VPS45: variants seen among roughly 807,000 people sequenced by gnomAD.
VPS45 encodes the protein vacuolar protein sorting-associated protein 45.
In VPS45, 35 loss-of-function variants were observed where a neutral mutation model predicts 75.9. The observed-to-expected ratio is 0.46, with a 90% CI of 0.35 to 0.61. VPS45 has a LOEUF of 0.61. Among genes scored for constraint, VPS45 ranks in the 20% least tolerant of loss-of-function variants. VPS45 has a pLI of 0.00. For synonymous variants in VPS45, 220 were observed against 238.2 expected (o/e 0.92, Z 0.70); for missense variants, 559 against 685.9 (o/e 0.81, Z 2.07).
chr1:150,094,015 A>G (rs781884194), intron 13 of VPS45, among the ~76,000 whole-genome samples: 1 of 152,190 alleles, frequency 6.6e-6, no homozygotes, highest in Non-Finnish European at 1.5e-5. Context: ...GGTTGTTACT[A>G]TTTTTGGTGA....
At chr1:150,089,418 G>C (rs1180661551) in intron 10 of VPS45, among the ~76,000 whole-genome samples, 4 of 151,612 alleles carry the variant, frequency 2.6e-5, no homozygotes, top group Non-Finnish European at 5.9e-5. Flanking sequence ...GAGTACTGTG[G>C]CACGTAATCT....
chr1:150,134,431 G>T (rs1454785849), intron 14 of VPS45, among the ~76,000 whole-genome samples: 1 of 151,974 alleles, frequency 6.6e-6, no homozygotes, highest in African/African-American at 2.4e-5. Flanking sequence ...TAATAAATAC[G>T]CTTGAGCCTT....
chr1:150,142,385 A>G (rs994380004), intron 14 of VPS45, among the ~76,000 whole-genome samples: 4 of 152,174 alleles, frequency 2.6e-5, no homozygotes, highest in Admixed American at 1.3e-4. Flanking sequence ...CTGACCTCCA[A>G]TTGTGTCTAG....
chr1:150,093,375 T>C, intron 12 of VPS45, 152 bp from the exon 13 acceptor site: 2 of 841,552 alleles, frequency 2.4e-6, no homozygotes, highest in Non-Finnish European at 3.5e-6. Flanking sequence ...CATTTCTAGC[T>C]GATTAAAATA....
intron 3 of VPS45, 63 bp downstream of exon 3, chr1:150,072,289 G>A (rs1571813571): frequency 8.6e-7 from 1 of 1,162,104 alleles, no homozygotes; most frequent in East Asian, 2.5e-5. Flanking sequence ...GTTTCATTGA[G>A]CCCTTCATAT....
At chr1:150,088,380 A>T (rs1437806744) in intron 10 of VPS45, among the ~76,000 whole-genome samples, 1 of 148,384 alleles carries the variant, frequency 6.7e-6, no homozygotes, top group South Asian at 2.1e-4. Context: ...CCTCCAGGTT[A>T]ATCTGTTTTG....
Position 150,114,740 on chromosome 1 carries a change from T to A in VPS45, c.1625+4113T>A, listed in dbSNP as rs587641386. On this transcript the variant is annotated intron_variant, in intron 14 of 14. Coordinates refer to ENST00000644510, the MANE Select transcript of VPS45 (RefSeq NM_007259.5). ...GGCTGGGCAACATGGTGAAACTTTG[T>A]CTCTACAAAAAAACACAAAAATTAG... Among the ~76,000 whole-genome samples the A allele has an allele frequency of 2.0e-5, 3 of 151,722 alleles. No homozygotes were observed. In the East Asian group the frequency reaches 5.9e-4, roughly 30 times the overall value.
At chr1:150,128,456 A>G (rs144649494) in intron 14 of VPS45, among the ~76,000 whole-genome samples, 33 of 152,304 alleles carry the variant, frequency 2.2e-4, no homozygotes, top group African/African-American at 7.5e-4. Flanking sequence ...GGCCTAAAAA[A>G]TAGTTGGCAT....
intron 14 of VPS45, among the ~76,000 whole-genome samples, chr1:150,129,356 T>A (rs1658691831): frequency 6.6e-6 from 1 of 152,152 alleles, no homozygotes; most frequent in Non-Finnish European, 1.5e-5. Flanking sequence ...AAAAAATAGC[T>A]TTTCATTTTA....
intron 10 of VPS45, among the ~76,000 whole-genome samples, chr1:150,088,529 G>T (rs1656149186): frequency 7.5e-6 from 1 of 133,274 alleles, no homozygotes; most frequent in African/African-American, 2.9e-5. Flanking sequence ...GCCCAGGCTA[G>T]AGGGTAGTGG....
Position 150,081,546 on chromosome 1 carries a change from A to G in VPS45, c.822+70A>G, listed in dbSNP as rs1571831876. 4 of 1,519,902 alleles carry G rather than the reference A, an allele frequency of 2.6e-6. No individual in the cohort carries two copies. The South Asian group carries it at 4.8e-5, about 18-fold the overall frequency. 94.2% of individuals were successfully genotyped at this position (1,519,902 alleles called of 1,614,324 possible). On this transcript the variant is annotated intron_variant, in intron 8 of 14. Coordinates refer to ENST00000644510, the MANE Select transcript of VPS45 (RefSeq NM_007259.5). ...GTAAGAAGATCAATATTGGCTTGTTAGTATAGGGGCAGGCATGGGATTTCA... is the reference window on the plus strand; with the variant it reads ...GTAAGAAGATCAATATTGGCTTGTTGGTATAGGGGCAGGCATGGGATTTCA...
rs587714092 is a variant in VPS45 at position 150,144,618 on chromosome 1, A to G, written c.1626-91A>G. The G allele has an allele frequency of 8.8e-6, 10 of 1,134,174 alleles. No homozygotes were observed. In the East Asian group the frequency reaches 2.2e-4, roughly 25 times the overall value. The allele number at this position is 1,134,174 out of a possible 1,614,324, so 70.3% of individuals were successfully genotyped here. ...ACCTCCTGCCTACTATTCATGATAT[A>G]TTTTCATCTGGTTAGATGTCCAGAG... On this transcript the variant is annotated intron_variant, in intron 14 of 14. Transcript: ENST00000644510.
chr1:150,118,089 C>T (rs1052165825), intron 14 of VPS45, among the ~76,000 whole-genome samples: 2 of 151,724 alleles, frequency 1.3e-5, no homozygotes, highest in Non-Finnish European at 2.9e-5. Flanking sequence ...TCGAGACCAG[C>T]CTGCCCAACA....
At chr1:150,072,519 T>C (rs1172339754) in intron 3 of VPS45, among the ~76,000 whole-genome samples, 1 of 152,046 alleles carries the variant, frequency 6.6e-6, no homozygotes, top group African/African-American at 2.4e-5. Flanking sequence ...TAGCTGGGCA[T>C]GGTGGCACAT....
At chr1:150,131,896 A>T (rs1658859336) in intron 14 of VPS45, among the ~76,000 whole-genome samples, 1 of 152,162 alleles carries the variant, frequency 6.6e-6, no homozygotes, top group African/African-American at 2.4e-5. Flanking sequence ...GGTCAGTTAA[A>T]AAGCAGTTTA....
At chr1:150,142,279 A>G (rs1253797184) in intron 14 of VPS45, among the ~76,000 whole-genome samples, 5 of 152,176 alleles carry the variant, frequency 3.3e-5, no homozygotes, top group Non-Finnish European at 7.4e-5. Flanking sequence ...AGGGCTTCCC[A>G]GCACATTTAT....
intron 13 of VPS45, among the ~76,000 whole-genome samples, chr1:150,102,566 G>T (rs1414791488): frequency 2.1e-5 from 3 of 142,950 alleles, no homozygotes; most frequent in African/African-American, 7.7e-5. Flanking sequence ...AAAAAGACAC[G>T]TGCACACAAA....
At chr1:150,092,554 C>G (rs1656390609) in intron 12 of VPS45, 145 bp downstream of exon 12, 2 of 597,004 alleles carry the variant, frequency 3.4e-6, no homozygotes, top group South Asian at 7.4e-5. Flanking sequence ...AACTGGCATC[C>G]TCTTGAAAGC....
intron 7 of VPS45, 28 bp from the exon 8 acceptor site, chr1:150,081,314 C>T: frequency 6.4e-7 from 1 of 1,569,488 alleles, no homozygotes; most frequent in Non-Finnish European, 8.6e-7. Flanking sequence ...CTGTCAGTTA[C>T]CTTTTTTTTT....
Sources: allele counts gnomAD v4.1 joint callset (sites outside exome capture counted in the v4.1 genomes callset), GRCh38; gene constraint gnomAD v4.1.1; transcripts MANE v1.5; gene names NCBI Gene and HGNC (gene_info 2026-07-23, HGNC 2026-07-21).